The following PRRG4 variants were observed in gnomAD, a reference collection of about 807,000 sequenced individuals.
PRRG4 encodes proline rich and Gla domain 4.
A neutral mutation model predicts 20.0 loss-of-function variants in PRRG4; 12 were observed. The observed-to-expected ratio is 0.60, with a 90% confidence interval of 0.38 to 0.97. PRRG4 has a LOEUF of 0.97. Ranked by LOEUF, PRRG4 falls within the 50% of genes least tolerant of loss-of-function variation. The pLI, the probability that PRRG4 is intolerant of heterozygous loss-of-function variation, is 0.00. For synonymous variants in PRRG4, 94 were observed against 96.4 expected, an observed-to-expected ratio of 0.98 and a Z score of 0.15; for missense variants, 199 against 265.1, an observed-to-expected ratio of 0.75 and a Z score of 1.73.
intron 5 of PRRG4, among the ~76,000 whole-genome samples, chr11:32,846,806 T>C (rs1479371593): frequency 1.3e-5 from 2 of 152,156 alleles, no homozygotes. Context: ...GAGACCATCC[T>C]GGCCAACACG....
chr11:32,838,329 G>A (rs904809170), intron 3 of PRRG4, among the ~76,000 whole-genome samples: 3 of 151,976 alleles, frequency 2.0e-5, no homozygotes, highest in Non-Finnish European at 4.4e-5. Flanking sequence ...GGTGTCAGGC[G>A]CCTGTAGTTC....
chr11:32,832,812 T>A, intron 2 of PRRG4, among the ~76,000 whole-genome samples: 1 of 151,952 alleles, frequency 6.6e-6, no homozygotes, highest in East Asian at 1.9e-4. Context: ...GACGGTAGAG[T>A]TGAAATGACT....
chr11:32,839,886 T>A (rs1851061929), intron 4 of PRRG4, among the ~76,000 whole-genome samples: 1 of 147,564 alleles, frequency 6.8e-6, no homozygotes, highest in Non-Finnish European at 1.5e-5. Flanking sequence ...TAAATAAATA[T>A]ATTTATATTT....
chr11:32,852,371 C>T (rs745496268), intron 5 of PRRG4, among the ~76,000 whole-genome samples: 5 of 152,078 alleles, frequency 3.3e-5, no homozygotes, highest in Non-Finnish European at 7.3e-5. Context: ...AGAAGAATGA[C>T]GTGAAGAAAG....
chr11:32,840,349 G>A lies in PRRG4; in HGVS notation c.449+110G>A. On this transcript the variant is annotated intron_variant, in intron 5 of 5. Coordinates refer to ENST00000257836, the MANE Select transcript of PRRG4 (RefSeq NM_024081.6). This position sits in a 1 kb window ranked among gnomAD's most constrained non-coding sequence, Gnocchi z 4.1. ...TTTTCTTAAATAAGCCTTTTATTTTGGAAGAATTTTAGATGTATAGGGAAG... is the reference window on the plus strand; with the variant it reads ...TTTTCTTAAATAAGCCTTTTATTTTAGAAGAATTTTAGATGTATAGGGAAG... The A allele has an allele frequency of 2.4e-6, 2 of 831,950 alleles. No homozygotes were observed. Among genetic ancestry groups the A allele is most frequent in the Non-Finnish European group, 3.8e-6 (2 of 531,592 alleles). 51.5% of individuals were successfully genotyped at this position (831,950 alleles called of 1,614,324 possible). A position where few individuals can be genotyped will look rare whatever the true frequency, so the allele number is the denominator to read the frequency against.
Position 32,834,675 on chromosome 11 carries a change from A to G in PRRG4, c.104-1983A>G, listed in dbSNP as rs1434296975. 2.6e-5 allele frequency among the ~76,000 whole-genome samples: 4 copies of G among 152,178 alleles called. No individual in the cohort carries two copies. In the South Asian group the frequency reaches 6.2e-4, roughly 24 times the overall value. On this transcript the variant is annotated intron_variant, in intron 2 of 5. Transcript: ENST00000257836. ...TTTAATTTAATCTTGTGTCTGAAAT[A>G]TCACCATTTTAAAATATAAGCAATA...
chr11:32,834,053 G>A (rs1245817347), intron 2 of PRRG4, among the ~76,000 whole-genome samples: 5 of 152,188 alleles, frequency 3.3e-5, no homozygotes, highest in South Asian at 2.1e-4. Flanking sequence ...AACAGAATAC[G>A]TGAGGGATAG....
At chr11:32,852,593 T>A (rs1233532909) in intron 5 of PRRG4, among the ~76,000 whole-genome samples, 1 of 152,018 alleles carries the variant, frequency 6.6e-6, no homozygotes, top group African/African-American at 2.4e-5. Context: ...AATTCACTTG[T>A]TTTGAGTCCT....
chr11:32,842,118 T>C (rs923057740), intron 5 of PRRG4, among the ~76,000 whole-genome samples: 1 of 152,166 alleles, frequency 6.6e-6, no homozygotes, highest in African/African-American at 2.4e-5. Flanking sequence ...AACTGTTTAA[T>C]TGGTTTAAAG....
intron 5 of PRRG4, among the ~76,000 whole-genome samples, chr11:32,846,719 G>A (rs993878143): frequency 1.2e-4 from 18 of 152,092 alleles, no homozygotes; most frequent in African/African-American, 3.6e-4. Flanking sequence ...AGAACTTGGG[G>A]CCACACGCGG....
intron 5 of PRRG4, among the ~76,000 whole-genome samples, chr11:32,849,065 C>G (rs753422519): frequency 2.0e-5 from 3 of 151,706 alleles, no homozygotes; most frequent in Non-Finnish European, 4.4e-5. Flanking sequence ...GGTAAGTTCT[C>G]TAAGTGTAAT....
At chr11:32,838,656 A>C (rs549209828) in intron 3 of PRRG4, among the ~76,000 whole-genome samples, 30 of 152,168 alleles carry the variant, frequency 2.0e-4, no homozygotes, top group African/African-American at 7.0e-4. Flanking sequence ...ACAGTAGTAA[A>C]GAGCTGGGAC....
chr11:32,835,005 G>A (rs1851008206), intron 2 of PRRG4, among the ~76,000 whole-genome samples: 1 of 151,982 alleles, frequency 6.6e-6, no homozygotes, highest in African/African-American at 2.4e-5. Context: ...GTAGAGACGG[G>A]GTTTCATCTT....
chr11:32,850,798 G>A (rs1391592304), intron 5 of PRRG4, among the ~76,000 whole-genome samples: 3 of 152,220 alleles, frequency 2.0e-5, no homozygotes, highest in East Asian at 3.9e-4. Context: ...GGCTGGCAGC[G>A]GTGGCTCACG....
In PRRG4 at chr11:32,857,397, C is replaced by G. The variant is rs765359454; in HGVS notation, c.*3870C>G. 6.6e-6 allele frequency: 1 copy of G among 152,250 alleles called. No individual in the cohort carries two copies. Among genetic ancestry groups the G allele is most frequent in the Admixed American group, 6.6e-5 (1 of 15,260 alleles). 9.4% of individuals were successfully genotyped at this position (152,250 alleles called of 1,614,324 possible). ...AACTCCTGACCTCAGGTGATCCGCC[C>G]GCCTCAGCCTCCCAAAGGGCTGGGA... On this transcript the variant is annotated 3_prime_UTR_variant, in exon 6 of 6. Coordinates refer to ENST00000257836, the MANE Select transcript of PRRG4 (RefSeq NM_024081.6).
chr11:32,830,631 A>G lies in PRRG4; in HGVS notation c.102A>G (p.Glu34=). ...AGGCTTCTAAGCATGCGGGAGAAGA[A>G]GGTAAGCACTAAAACGTCCCTGGAA... The part of the protein sequence containing the change: ...GPKASKHAGE[E]VFTSKEEANF... The change falls in exon 2 of 6, where the codon GAA becomes GAG. Residue 34 remains glutamate, a splice_region_variant and synonymous_variant. Transcript: ENST00000257836. The G allele has an allele frequency of 1.9e-6, 3 of 1,613,946 alleles. No homozygotes were observed. The highest frequency in any genetic ancestry group is 1.7e-6 in the Non-Finnish European group (2 of 1,179,972).
intron 1 of PRRG4, 115 bp from the exon 2 acceptor site, chr11:32,830,393 G>C (rs1850956262): frequency 3.1e-6 from 3 of 958,618 alleles, no homozygotes; most frequent in East Asian, 3.2e-5. Flanking sequence ...ACCGCGCGCC[G>C]GGCGCTCTTG....
intron 2 of PRRG4, among the ~76,000 whole-genome samples, chr11:32,832,479 C>CTTTTTATT (rs761893280): frequency 8.2e-6 from 1 of 121,268 alleles, no homozygotes; most frequent in Non-Finnish European, 1.6e-5. Flanking sequence ...TGGTGAAATT[C>CTTTTTATT]TTTTTTTTTT....
chr11:32,853,490 G>A lies in PRRG4; in HGVS notation c.644G>A (p.Arg215Lys). The change falls in exon 6 of 6, where the codon AGG (arginine) becomes AAG (lysine). Residue 215 changes from arginine to lysine, a missense_variant. Arg to Lys is a conservative substitution (Grantham distance 26, BLOSUM62 2). Transcript: ENST00000257836. The stretch of plus-strand genomic sequence containing the variant: ...TATCCTGGGCACACAAAAGGATTTA[G>A]GGTATTTAAAAAATCTATGTCTCTC... The part of the protein sequence containing the change: ...PPYPGHTKGF[R>K]VFKKSMSLPS... 3.1e-6 allele frequency: 5 copies of A among 1,613,998 alleles called. No homozygotes were observed. Among genetic ancestry groups the A allele is most frequent in the Non-Finnish European group, 4.2e-6 (5 of 1,180,002 alleles).
Sources: gnomAD v4.1 joint callset for allele counts (sites outside exome capture counted in the v4.1 genomes callset) on GRCh38, gnomAD v4.1.1 for gene constraint, Gnocchi (gnomAD v3.1) non-coding constraint, MANE v1.5 for transcripts, NCBI Gene and HGNC (gene_info 2026-07-23, HGNC 2026-07-21) for gene names.